Variants in ACVR1B observed in about 807,000 individuals in gnomAD.
The protein encoded by ACVR1B is activin receptor type-1B.
ACVR1B carries 15 observed loss-of-function variants against 55.6 expected under a neutral mutation model. The ratio of observed to expected loss-of-function variants is 0.27; its 90% confidence interval spans 0.18 to 0.42. The LOEUF is 0.42. Ranked by LOEUF, ACVR1B falls within the 10% of genes least tolerant of loss-of-function variation. The pLI is 1.00. For missense variants in ACVR1B, 359 were observed against 670.1 expected (o/e 0.54, Z 5.13); for synonymous variants, 247 against 254.6 (o/e 0.97, Z 0.28).
chr12:51,969,717 C>T (rs771732054), intron 1 of ACVR1B, among the ~76,000 whole-genome samples: 2 of 152,154 alleles, frequency 1.3e-5, no homozygotes, highest in African/African-American at 2.4e-5. Flanking sequence ...GGAATTTACA[C>T]TGTGTATAAA....
chr12:51,973,832 C>T (rs1404836254), intron 1 of ACVR1B, among the ~76,000 whole-genome samples: 1 of 152,112 alleles, frequency 6.6e-6, no homozygotes, highest in East Asian at 1.9e-4. Flanking sequence ...ACTGTCTATC[C>T]ACCTGCCAGG....
At chr12:51,989,472 A>G (rs1177367874) in intron 7 of ACVR1B, among the ~76,000 whole-genome samples, 1 of 151,680 alleles carries the variant, frequency 6.6e-6, no homozygotes, top group Non-Finnish European at 1.5e-5. Context: ...TTTAGTAGTG[A>G]TGGGGCTTCA....
Position 51,962,957 on chromosome 12 carries a change from T to A in ACVR1B, c.91+11123T>A, listed in dbSNP as rs577735853. Among the ~76,000 whole-genome samples the A allele has an allele frequency of 2.0e-5, 3 of 152,316 alleles. No individual in the cohort carries two copies. In the South Asian group the frequency reaches 6.2e-4, roughly 32 times the overall value. ...GAAACTGTTGAAAAGGACACTGGTT[T>A]CCTCTTTGTGAGTTCAGAGATTCCC... On this transcript the variant is annotated intron_variant, in intron 1 of 8. Coordinates refer to ENST00000257963, the MANE Select transcript of ACVR1B (RefSeq NM_004302.5).
chr12:51,958,644 CA>C (rs34307946), intron 1 of ACVR1B, among the ~76,000 whole-genome samples: 125 of 90,546 alleles, frequency 1.4e-3, no homozygotes, highest in East Asian at 2.7e-3. Flanking sequence ...TGAGACTCCT[CA>C]AAAAAAAAAA....
intron 4 of ACVR1B, chr12:51,982,782 G>GAAGAGC: frequency 5.2e-6 from 8 of 1,529,932 alleles, no homozygotes; most frequent in Non-Finnish European, 7.0e-6. Flanking sequence ...GGAGGAAGGG[G>GAAGAGC]AAGAGCAAGA....
intron 1 of ACVR1B, chr12:51,953,263 A>G (rs749551318): frequency 1.2e-6 from 1 of 813,384 alleles, no homozygotes; most frequent in Admixed American, 6.2e-5. Flanking sequence ...AATAAACCAG[A>G]CAGTCAAGAA....
intron 3 of ACVR1B, among the ~76,000 whole-genome samples, chr12:51,977,075 A>G (rs1160292446): frequency 6.6e-6 from 1 of 152,120 alleles, no homozygotes; most frequent in African/African-American, 2.4e-5. Context: ...GGGGGTGAAA[A>G]TAAAGGCAGT....
chr12:51,982,957 G>A, intron 4 of ACVR1B: 1 of 685,724 alleles, frequency 1.5e-6, no homozygotes, highest in African/African-American at 1.9e-5. Flanking sequence ...CAGTGTGTTG[G>A]GTGGGCCCCT....
intron 3 of ACVR1B, among the ~76,000 whole-genome samples, chr12:51,979,737 C>T (rs1361857835): frequency 1.3e-5 from 2 of 152,050 alleles, no homozygotes; most frequent in African/African-American, 2.4e-5. Context: ...TGAAAGTTTC[C>T]ATGTGGGAAA....
At chr12:51,971,226 A>G (rs963799879) in intron 1 of ACVR1B, among the ~76,000 whole-genome samples, 2 of 152,240 alleles carry the variant, frequency 1.3e-5, no homozygotes, top group African/African-American at 4.8e-5. Context: ...AGCCTGTCTC[A>G]TGAATCAAAT....
At chr12:51,970,541 G>A (rs754990640) in intron 1 of ACVR1B, among the ~76,000 whole-genome samples, 3 of 152,174 alleles carry the variant, frequency 2.0e-5, no homozygotes, top group Non-Finnish European at 4.4e-5. Context: ...ATATAAAACT[G>A]ATGTCTCTGA....
chr12:51,957,401 G>A lies in ACVR1B; in HGVS notation c.91+5567G>A, dbSNP rs536083181. ...AGAGGTTGCAGTGAGCGGAGACTGC[G>A]CCACTGCACTCCAGCCTAGGCAACG... is the stretch of plus-strand genomic sequence containing the variant. On this transcript the variant is annotated intron_variant, in intron 1 of 8. Transcript: ENST00000257963. Among the ~76,000 whole-genome samples the A allele has an allele frequency of 1.1e-4, 16 of 144,456 alleles. No homozygotes were observed. In the Admixed American group the frequency reaches 1.1e-3, roughly 10 times the overall value. The allele number at this position is 144,456 out of a possible 152,430, so 94.8% of individuals were successfully genotyped here.
At chr12:51,957,737 A>C (rs1229124596) in intron 1 of ACVR1B, among the ~76,000 whole-genome samples, 1 of 152,096 alleles carries the variant, frequency 6.6e-6, no homozygotes, top group East Asian at 1.9e-4. Context: ...TATTTAATAT[A>C]TATTGTTGGT....
intron 1 of ACVR1B, among the ~76,000 whole-genome samples, chr12:51,965,678 A>G (rs769566726): frequency 2.0e-5 from 3 of 152,182 alleles, no homozygotes; most frequent in African/African-American, 7.2e-5. Flanking sequence ...TAGTTGGGCT[A>G]GGATAGGTAT....
chr12:51,989,508 C>T (rs1462138370), intron 7 of ACVR1B, among the ~76,000 whole-genome samples: 2 of 152,088 alleles, frequency 1.3e-5, no homozygotes, highest in East Asian at 1.9e-4. Flanking sequence ...TGGTCTCGAA[C>T]TCCTGACCTC....
chr12:51,951,902 C>A, intron 1 of ACVR1B, 68 bp downstream of exon 1: 1 of 1,030,334 alleles, frequency 9.7e-7, no homozygotes. Context: ...CCTCGAGCCG[C>A]GGCCGCTGGA....
chr12:51,982,667 T>G (rs1394491352), intron 4 of ACVR1B: 28 of 1,509,784 alleles, frequency 1.9e-5, no homozygotes, highest in Middle Eastern at 1.7e-4. Flanking sequence ...CTATTTGTTT[T>G]TCATTCCTGA....
intron 8 of ACVR1B, 124 bp from the exon 9 acceptor site, chr12:51,993,861 G>C (rs1393203531): frequency 6.5e-6 from 8 of 1,237,166 alleles, no homozygotes; most frequent in East Asian, 2.9e-5. Context: ...GTCGGCCGCC[G>C]GGTGGATGTG....
At chr12:51,956,593 A>G (rs752405615) in intron 1 of ACVR1B, among the ~76,000 whole-genome samples, 4 of 152,160 alleles carry the variant, frequency 2.6e-5, no homozygotes, top group African/African-American at 4.8e-5. Flanking sequence ...TATCTGTAAA[A>G]TGGGGCTAAT....
Sources: gnomAD v4.1 joint callset for allele counts (sites outside exome capture counted in the v4.1 genomes callset) on GRCh38, gnomAD v4.1.1 for gene constraint, MANE v1.5 for transcripts, NCBI Gene and HGNC (gene_info 2026-07-23, HGNC 2026-07-21) for gene names.